The following CDK7 variants were observed in gnomAD, a reference collection of about 807,000 sequenced individuals.
The protein encoded by CDK7 is cyclin-dependent kinase 7.
Under a neutral mutation model 49.1 loss-of-function variants are expected in CDK7, and 25 were observed. That is an observed-to-expected ratio of 0.51 (90% CI 0.37 to 0.71). The LOEUF is 0.71. CDK7 is among the 30% of genes least tolerant of loss of function. The probability of loss-of-function intolerance (pLI) is 0.00; values close to 1 mark genes in which losing one functional copy is unlikely to be tolerated. For synonymous variants in CDK7, 107 were observed against 140.0 expected (o/e 0.76, Z 1.67); for missense variants, 316 against 411.7 (o/e 0.77, Z 2.01).
At chr5:69,262,401 G>A in intron 8 of CDK7, 97 bp downstream of exon 8, 2 of 1,508,594 alleles carry the variant, frequency 1.3e-6, no homozygotes, top group Non-Finnish European at 1.8e-6. Context: ...AGGCATGGTG[G>A]CTCACGCCTG....
chr5:69,276,831 G>A, intron 11 of CDK7, 141 bp downstream of exon 11: 1 of 793,038 alleles, frequency 1.3e-6, no homozygotes, highest in Non-Finnish European at 2.0e-6. Flanking sequence ...ATAAAGTAGA[G>A]AGACTGTGCC....
At chr5:69,248,351 T>C (rs1434308960) in intron 2 of CDK7, among the ~76,000 whole-genome samples, 2 of 152,126 alleles carry the variant, frequency 1.3e-5, no homozygotes. Flanking sequence ...TTTTTTCTTC[T>C]TGCTGCTTTT....
At chr5:69,241,461 C>T (rs1387124593) in intron 2 of CDK7, among the ~76,000 whole-genome samples, 1 of 151,830 alleles carries the variant, frequency 6.6e-6, no homozygotes, top group African/African-American at 2.4e-5. Flanking sequence ...GCTGGGATTA[C>T]AGGTGCACAC....
At chr5:69,248,536 G>C (rs939366727) in intron 2 of CDK7, among the ~76,000 whole-genome samples, 6 of 151,902 alleles carry the variant, frequency 3.9e-5, no homozygotes, top group African/African-American at 1.5e-4. Context: ...TTATAGTCAT[G>C]TGCCACCACG....
At position 69,276,580 on chromosome 5, in the gene CDK7, C is replaced by A; in HGVS notation, c.902C>A (p.Pro301Gln). ...AAGTATTTCAGTAATCGGCCAGGGC[C>A]AACACCTGGATGTCAGCTGCCAAGA... ...KMKYFSNRPG[P>Q]TPGCQLPRPN... is the part of the protein sequence containing the mutation. The change falls in exon 11 of 12, where the codon CCA (proline) becomes CAA (glutamine). Residue 301 changes from proline to glutamine, a missense_variant. Pro to Gln is a moderately conservative substitution (Grantham distance 76). Coordinates refer to ENST00000256443, the MANE Select transcript of CDK7 (RefSeq NM_001799.4). 1 of 1,613,540 alleles carries A rather than the reference C, an allele frequency of 6.2e-7. No individual in the cohort carries two copies. Among genetic ancestry groups the A allele is most frequent in the Non-Finnish European group, 8.5e-7 (1 of 1,179,962 alleles).
rs899716712 is a variant in CDK7, at chr5:69,276,807, A to G, written c.1012+117A>G. ...GTAGCTTGCTAGCTATTTAATTTTT[A>G]TAAATTTAATTGTATAAAGTAGAGA... On this transcript the variant is annotated intron_variant, in intron 11 of 11. Transcript: ENST00000256443. The G allele has an allele frequency of 4.5e-6, 4 of 889,330 alleles. No homozygotes were observed. The African/African-American group carries it at 6.8e-5, about 15-fold the overall frequency. The allele number at this position is 889,330 out of a possible 1,614,324, so 55.1% of individuals were successfully genotyped here.
rs537849601 is a variant in CDK7 at position 69,269,457 on chromosome 5, T to C, written c.714+164T>C. Among the ~76,000 whole-genome samples the C allele has an allele frequency of 1.2e-3, 186 of 152,328 alleles. 1 individual carries two copies. The highest frequency in any genetic ancestry group is 2.0e-3 in the Non-Finnish European group (139 of 68,032). ...AAGTATATAAAGTAAGAAGTTACAA[T>C]TGTGATATACCATCAACCTCTTGTA... On this transcript the variant is annotated intron_variant, in intron 9 of 11. Transcript: ENST00000256443.
intron 7 of CDK7, among the ~76,000 whole-genome samples, 178 bp from the exon 8 acceptor site, chr5:69,262,027 A>C (rs1445767832): frequency 1.3e-5 from 2 of 152,206 alleles, no homozygotes; most frequent in African/African-American, 4.8e-5. Flanking sequence ...TGTAGGAGAA[A>C]AAGGAGAGAA....
intron 8 of CDK7, among the ~76,000 whole-genome samples, chr5:69,267,713 G>A (rs1751256453): frequency 6.6e-6 from 1 of 151,970 alleles, no homozygotes; most frequent in Non-Finnish European, 1.5e-5. Context: ...TCTCATAAAT[G>A]TCTTTTTACA....
chr5:69,241,321 T>C (rs960203729), intron 2 of CDK7, among the ~76,000 whole-genome samples: 2 of 134,158 alleles, frequency 1.5e-5, no homozygotes, highest in East Asian at 2.1e-4. Flanking sequence ...TTTCTTTTTT[T>C]TTTTTTTTTT....
chr5:69,243,834 T>TG (rs1338956965), intron 2 of CDK7, among the ~76,000 whole-genome samples: 129 of 132,072 alleles, frequency 9.8e-4, no homozygotes, highest in African/African-American at 4.0e-3. Flanking sequence ...TTGTTTTTTT[T>TG]TTTTTTTTTT....
At chr5:69,262,881 C>T (rs1750925362) in intron 8 of CDK7, among the ~76,000 whole-genome samples, 1 of 152,130 alleles carries the variant, frequency 6.6e-6, no homozygotes, top group South Asian at 2.1e-4. Flanking sequence ...TGTAATATGG[C>T]AGTATCTCTA....
chr5:69,254,068 C>T (rs1750324468), intron 3 of CDK7, among the ~76,000 whole-genome samples: 1 of 152,068 alleles, frequency 6.6e-6, no homozygotes, highest in Non-Finnish European at 1.5e-5. Flanking sequence ...CCACTGCACT[C>T]CAACCTGGCT....
At chr5:69,276,791 T>C in intron 11 of CDK7, 101 bp downstream of exon 11, 2 of 986,606 alleles carry the variant, frequency 2.0e-6, no homozygotes, top group Admixed American at 2.6e-5. Context: ...TGTAGCTTGC[T>C]AGCTATTTAA....
chr5:69,276,960 T>C, intron 11 of CDK7, 147 bp from the exon 12 acceptor site: 1 of 707,384 alleles, frequency 1.4e-6, no homozygotes, highest in Non-Finnish European at 2.4e-6. Flanking sequence ...GTAAACTACA[T>C]GCTAAATGTT....
At chr5:69,250,594 AG>A (rs1750074130) in intron 2 of CDK7, among the ~76,000 whole-genome samples, 1 of 152,056 alleles carries the variant, frequency 6.6e-6, no homozygotes, top group African/African-American at 2.4e-5. Context: ...CCTCTGTTCC[AG>A]GGGTAGGTCC....
At chr5:69,253,333 C>G (rs369349349) in intron 3 of CDK7, among the ~76,000 whole-genome samples, 9 of 152,154 alleles carry the variant, frequency 5.9e-5, no homozygotes, top group African/African-American at 1.9e-4. Flanking sequence ...ATCGCAATCT[C>G]GGCTCACTGC....
intron 5 of CDK7, 83 bp from the exon 6 acceptor site, chr5:69,257,960 T>C (rs955757202): frequency 2.6e-6 from 2 of 757,302 alleles, no homozygotes; most frequent in South Asian, 3.2e-5. Context: ...GATACTTACA[T>C]TTTAAGTCTG....
At chr5:69,240,672 G>C (rs568636339) in intron 2 of CDK7, among the ~76,000 whole-genome samples, 1 of 152,322 alleles carries the variant, frequency 6.6e-6, no homozygotes, top group African/African-American at 2.4e-5. Context: ...TCTGTCGCCA[G>C]GCTGGAGTGC....
Sources: allele counts gnomAD v4.1 joint callset (sites outside exome capture counted in the v4.1 genomes callset), GRCh38; gene constraint gnomAD v4.1.1; transcripts MANE v1.5; gene names NCBI Gene and HGNC (gene_info 2026-07-23, HGNC 2026-07-21).